Variants in LEKR1 observed in about 807,000 individuals in gnomAD.
LEKR1 encodes the protein protein LEKR1.
In LEKR1, 59 loss-of-function variants were observed where a neutral mutation model predicts 72.4. That is an observed-to-expected ratio of 0.82 (90% CI 0.66 to 1.01). The LOEUF is 1.01. Among genes scored for constraint, LEKR1 ranks in the 50% least tolerant of loss-of-function variants. The pLI is 0.00. For synonymous variants in LEKR1, 257 were observed against 263.2 expected (o/e 0.98, Z 0.23); for missense variants, 728 against 759.2 (o/e 0.96, Z 0.48).
chr3:156,998,731 T>C (rs1731777336), intron 9 of LEKR1, among the ~76,000 whole-genome samples: 1 of 152,126 alleles, frequency 6.6e-6, no homozygotes, highest in Non-Finnish European at 1.5e-5. Flanking sequence ...TTGTCCCCAT[T>C]TCCCCATAAA....
At chr3:157,037,809 G>A (rs2108044965) in intron 12 of LEKR1, among the ~76,000 whole-genome samples, 1 of 152,268 alleles carries the variant, frequency 6.6e-6, no homozygotes, top group Middle Eastern at 3.4e-3. Context: ...GTAGTAAGAG[G>A]ACTCTGAGGA....
At chr3:156,892,877 G>A (rs1720803518) in intron 3 of LEKR1, among the ~76,000 whole-genome samples, 1 of 152,206 alleles carries the variant, frequency 6.6e-6, no homozygotes, top group Non-Finnish European at 1.5e-5. Context: ...AGCACAGTTT[G>A]GTGGTCAGCT....
At chr3:156,934,385 GT>G (rs1234580477) in intron 5 of LEKR1, among the ~76,000 whole-genome samples, 1 of 152,130 alleles carries the variant, frequency 6.6e-6, no homozygotes, top group Non-Finnish European at 1.5e-5. Flanking sequence ...TTTATATTAG[GT>G]TTTGGAACCT....
chr3:156,915,974 C>T (rs1352249350), intron 3 of LEKR1, among the ~76,000 whole-genome samples: 1 of 152,144 alleles, frequency 6.6e-6, no homozygotes, highest in Non-Finnish European at 1.5e-5. Context: ...CAATCTTCTG[C>T]ATATGGCTAG....
Position 156,891,872 on chromosome 3 carries a change from T to C in LEKR1, c.264-28703T>C, listed in dbSNP as rs149122394. ...GTCCCAACAGATGGCAGGGTTCATTTTGAGGAATCCAAATGTCTGATCACT... is the reference window on the plus strand; with the variant it reads ...GTCCCAACAGATGGCAGGGTTCATTCTGAGGAATCCAAATGTCTGATCACT... On this transcript the variant is annotated intron_variant, in intron 3 of 12. Coordinates refer to ENST00000356539, the MANE Select transcript of LEKR1 (RefSeq NM_001004316.3). Among the ~76,000 whole-genome samples, 376 of 152,242 alleles carry C rather than the reference T, an allele frequency of 2.5e-3. 1 individual carries two copies. Among genetic ancestry groups the C allele is most frequent in the African/African-American group, 8.6e-3 (357 of 41,550 alleles).
chr3:156,955,932 A>G (rs559999160), intron 6 of LEKR1, among the ~76,000 whole-genome samples: 1 of 148,136 alleles, frequency 6.8e-6, no homozygotes, highest in African/African-American at 2.5e-5. Flanking sequence ...AATGTTGGGA[A>G]AAGGATGTTC....
intron 3 of LEKR1, among the ~76,000 whole-genome samples, chr3:156,918,517 C>G (rs1723876928): frequency 6.6e-6 from 1 of 151,894 alleles, no homozygotes; most frequent in African/African-American, 2.4e-5. Flanking sequence ...GTACAGATAC[C>G]AAAGATGATA....
chr3:156,927,248 C>G (rs1724803516), intron 4 of LEKR1, among the ~76,000 whole-genome samples, 181 bp from the exon 5 acceptor site: 1 of 151,860 alleles, frequency 6.6e-6, no homozygotes, highest in Admixed American at 6.6e-5. Context: ...ACACTTCACT[C>G]TATCTGAGAT....
intron 6 of LEKR1, among the ~76,000 whole-genome samples, chr3:156,978,300 A>G (rs535963560): frequency 1.3e-5 from 2 of 152,234 alleles, no homozygotes; most frequent in Non-Finnish European, 2.9e-5. Flanking sequence ...ATATGGATGC[A>G]TAAAGATTTT....
intron 5 of LEKR1, among the ~76,000 whole-genome samples, chr3:156,930,195 A>T (rs62275811): frequency 0.032 from 4,831 of 152,268 alleles, 116 homozygotes; most frequent in Non-Finnish European, 0.047. Flanking sequence ...CAGTGAATTT[A>T]AAGATAAATC....
chr3:156,927,072 A>G (rs1180582030), intron 4 of LEKR1, among the ~76,000 whole-genome samples: 1 of 151,964 alleles, frequency 6.6e-6, no homozygotes, highest in Non-Finnish European at 1.5e-5. Flanking sequence ...AGACTTTAAG[A>G]TTGTCATTTA....
chr3:156,887,914 A>T (rs1720270398), intron 3 of LEKR1, among the ~76,000 whole-genome samples: 1 of 152,170 alleles, frequency 6.6e-6, no homozygotes, highest in Non-Finnish European at 1.5e-5. Context: ...TTGAATAATT[A>T]TATGTGTTTT....
Position 156,983,738 on chromosome 3 carries a change from G to C in LEKR1, c.827+4463G>C, listed in dbSNP as rs1346702835. Among the ~76,000 whole-genome samples the C allele has an allele frequency of 3.3e-5, 5 of 152,132 alleles. No homozygotes were observed. The South Asian group carries it at 8.3e-4, about 25-fold the overall frequency. Reference sequence around the variant, plus strand: ...CTGGCAGCTACTGAATCCCAGGAGAGACCAGGGTCCCCACAGCCCAAGACA... The same window carrying C: ...CTGGCAGCTACTGAATCCCAGGAGACACCAGGGTCCCCACAGCCCAAGACA... On this transcript the variant is annotated intron_variant, in intron 7 of 12. Coordinates refer to ENST00000356539, the MANE Select transcript of LEKR1 (RefSeq NM_001004316.3).
chr3:156,837,227 C>G (rs374854002), intron 2 of LEKR1, among the ~76,000 whole-genome samples: 4 of 152,202 alleles, frequency 2.6e-5, no homozygotes, highest in East Asian at 1.9e-4. Flanking sequence ...CAAGAATTCA[C>G]TCTCTGTAAT....
intron 9 of LEKR1, among the ~76,000 whole-genome samples, chr3:157,010,194 T>C (rs1732777394): frequency 6.6e-6 from 1 of 152,050 alleles, no homozygotes; most frequent in Admixed American, 6.6e-5. Flanking sequence ...GTCTATTTTT[T>C]TTTGTTTTCC....
At chr3:156,907,619 C>T (rs1722653090) in intron 3 of LEKR1, among the ~76,000 whole-genome samples, 1 of 152,060 alleles carries the variant, frequency 6.6e-6, no homozygotes. Context: ...TTATAGATTA[C>T]TCATTGTACG....
rs187197696 is a variant in LEKR1 at position 157,041,302 on chromosome 3, C to T, written c.1669-4038C>T. On this transcript the variant is annotated intron_variant, in intron 12 of 12. Transcript: ENST00000356539. ...GGACTTCCTCCATGAAAATTTGGGGCTCCTACTGTCCTCCCTGGCTCCCAT... is the reference window on the plus strand; with the variant it reads ...GGACTTCCTCCATGAAAATTTGGGGTTCCTACTGTCCTCCCTGGCTCCCAT... Among the ~76,000 whole-genome samples, 11 of 152,216 alleles carry T rather than the reference C, an allele frequency of 7.2e-5. No homozygotes were observed. In the East Asian group the frequency reaches 1.9e-3, roughly 27 times the overall value.
chr3:156,879,441 T>C (rs1719017925), intron 3 of LEKR1, among the ~76,000 whole-genome samples: 1 of 152,220 alleles, frequency 6.6e-6, no homozygotes, highest in African/African-American at 2.4e-5. Context: ...GAGAGGTTAC[T>C]TGGGTGCTGT....
intron 2 of LEKR1, among the ~76,000 whole-genome samples, chr3:156,832,203 C>T (rs1023274780): frequency 6.9e-6 from 1 of 145,882 alleles, no homozygotes; most frequent in Non-Finnish European, 1.5e-5. Flanking sequence ...GACTATAAGA[C>T]AAATAATGAG....
Sources: allele counts gnomAD v4.1 joint callset (sites outside exome capture counted in the v4.1 genomes callset), GRCh38; gene constraint gnomAD v4.1.1; transcripts MANE v1.5; gene names NCBI Gene and HGNC (gene_info 2026-07-23, HGNC 2026-07-21).